PGAP4: variants seen among roughly 807,000 people sequenced by gnomAD.
The protein encoded by PGAP4 is GPI-N-acetylgalactosamine transferase PGAP4.
PGAP4 carries 12 observed loss-of-function variants against 28.2 expected under a neutral mutation model. The ratio of observed to expected loss-of-function variants is 0.42; its 90% confidence interval spans 0.27 to 0.69. The LOEUF is 0.69. PGAP4 is among the 30% of genes least tolerant of loss of function. The pLI is 0.22. For missense variants in PGAP4, 425 were observed against 513.5 expected (o/e 0.83, Z 1.67); for synonymous variants, 205 against 211.8 (o/e 0.97, Z 0.28).
chr9:101,487,862 T>A (rs1474183356), upstream of PGAP4, among the ~76,000 whole-genome samples: 1 of 152,196 alleles, frequency 6.6e-6, no homozygotes, highest in Non-Finnish European at 1.5e-5. Flanking sequence ...TGCAACATAG[T>A]CATCATTTAC....
chr9:101,517,724 G>C (rs1287895066), intron 2 of PGAP4, among the ~76,000 whole-genome samples: 1 of 152,068 alleles, frequency 6.6e-6, no homozygotes, highest in Non-Finnish European at 1.5e-5. Flanking sequence ...TGGAGGTGTG[G>C]TATACAGCTC....
chr9:101,527,611 A>C (rs1435224168), intron 2 of PGAP4, among the ~76,000 whole-genome samples: 2 of 152,236 alleles, frequency 1.3e-5, no homozygotes, highest in African/African-American at 4.8e-5. Context: ...CCTCTTTCAA[A>C]GGAAAACAAT....
chr9:101,490,484 T>C (rs949031431), upstream of PGAP4, among the ~76,000 whole-genome samples: 2 of 152,168 alleles, frequency 1.3e-5, no homozygotes, highest in Admixed American at 6.5e-5. Flanking sequence ...GCCACTGCGC[T>C]CAGCCCAAAC....
chr9:101,518,734 G>C lies in PGAP4; in HGVS notation c.-165+12614C>G, dbSNP rs374253689. 3.3e-5 allele frequency among the ~76,000 whole-genome samples: 5 copies of C among 152,260 alleles called. No homozygotes were observed. In the East Asian group the frequency reaches 9.6e-4, roughly 29 times the overall value. On this transcript the variant is annotated intron_variant, in intron 2 of 3. Coordinates refer to the PGAP4 transcript ENST00000374851. ...TCATTGATTGATGGGCATTTGGGTT[G>C]GTTCCACAATTTTTCAATTGTGAAT...
At chr9:101,488,472 A>G (rs1170055410), upstream of PGAP4, among the ~76,000 whole-genome samples, 5 of 152,186 alleles carry the variant, frequency 3.3e-5, no homozygotes, top group African/African-American at 9.7e-5. Flanking sequence ...CTGTGCCTCA[A>G]TGTTCTCATC....
chr9:101,512,698 CAAT>C (rs1443709990), intron 2 of PGAP4, among the ~76,000 whole-genome samples: 1 of 152,276 alleles, frequency 6.6e-6, no homozygotes, highest in South Asian at 2.1e-4. Flanking sequence ...ACAACAACAA[CAAT>C]AATACACATT....
intron 1 of PGAP4, among the ~76,000 whole-genome samples, chr9:101,484,634 C>T (rs940041319): frequency 7.9e-5 from 12 of 152,246 alleles, no homozygotes; most frequent in African/African-American, 2.6e-4. Flanking sequence ...GATCACTTCT[C>T]TTCTCTGCTT....
intron 1 of PGAP4, among the ~76,000 whole-genome samples, chr9:101,484,946 C>G (rs1297594471): frequency 2.0e-5 from 3 of 152,154 alleles, no homozygotes; most frequent in Non-Finnish European, 4.4e-5. Context: ...GTTTTGATAT[C>G]TACACTTCTG....
rs1169201884 is a variant in PGAP4, at chr9:101,486,610, T to A, written c.-78+339A>T. Among the ~76,000 whole-genome samples, 2 of 152,060 alleles carry A rather than the reference T, an allele frequency of 1.3e-5. No homozygotes were observed. Among genetic ancestry groups the A allele is most frequent in the African/African-American group, 4.8e-5 (2 of 41,430 alleles). On this transcript the variant is annotated intron_variant, in intron 1 of 1. Transcript: ENST00000374848. This position sits in a 1 kb window ranked among gnomAD's most constrained non-coding sequence, Gnocchi z 4.7. ...CCGCTCGCGTCCTTCTATTGACCTGTCAGCGCAGCTGGCGCAGGCAAGGGC... is the reference window on the plus strand; with the variant it reads ...CCGCTCGCGTCCTTCTATTGACCTGACAGCGCAGCTGGCGCAGGCAAGGGC...
At chr9:101,517,347 G>T (rs1355128861) in intron 2 of PGAP4, among the ~76,000 whole-genome samples, 1 of 152,048 alleles carries the variant, frequency 6.6e-6, no homozygotes, top group Middle Eastern at 3.2e-3. Flanking sequence ...AAAAATATTT[G>T]AGACCAAAGA....
At position 101,474,423 on chromosome 9, in the gene PGAP4, T is replaced by C. The variant is rs893794800; in HGVS notation, c.*1458A>G. The C allele has an allele frequency of 6.6e-6, 1 of 152,256 alleles. No individual in the cohort carries two copies. Among genetic ancestry groups the C allele is most frequent in the Non-Finnish European group, 1.5e-5 (1 of 68,046 alleles). 9.4% of individuals were successfully genotyped at this position (152,256 alleles called of 1,614,324 possible). A position where few individuals can be genotyped will look rare whatever the true frequency, so the allele number is the denominator to read the frequency against. ...TTGGTCACTAGTCTGACAGTACTGT[T>C]AAAAGACATTTATTTGTAACTTTTG... On this transcript the variant is annotated 3_prime_UTR_variant, in exon 2 of 2. Transcript: ENST00000374848.
intron 2 of PGAP4, among the ~76,000 whole-genome samples, chr9:101,526,442 T>A (rs992712547): frequency 2.1e-4 from 32 of 152,228 alleles, no homozygotes; most frequent in Non-Finnish European, 2.9e-5. Context: ...TTTATTTTTT[T>A]AAATTTATTT....
intron 1 of PGAP4, among the ~76,000 whole-genome samples, chr9:101,484,690 T>C (rs1014020877): frequency 1.3e-5 from 2 of 152,176 alleles, no homozygotes; most frequent in Admixed American, 1.3e-4. Flanking sequence ...AACTTGACCA[T>C]GCTGGCACCC....
intron 2 of PGAP4, among the ~76,000 whole-genome samples, chr9:101,511,239 C>T (rs1223980936): frequency 6.6e-6 from 1 of 152,098 alleles, no homozygotes; most frequent in Non-Finnish European, 1.5e-5. Context: ...ACAGATAAAG[C>T]TTCACTTGCT....
intron 2 of PGAP4, among the ~76,000 whole-genome samples, chr9:101,493,926 A>G (rs1047786018): frequency 2.0e-5 from 3 of 152,108 alleles, no homozygotes; most frequent in Non-Finnish European, 2.9e-5. Context: ...GTATATAACA[A>G]GATCTTGAAA....
intron 2 of PGAP4, among the ~76,000 whole-genome samples, chr9:101,522,979 T>C (rs1368291285): frequency 2.0e-5 from 3 of 152,162 alleles, no homozygotes; most frequent in Admixed American, 2.0e-4. Context: ...TTCCTTCCTA[T>C]ATGATGCTTA....
intron 2 of PGAP4, among the ~76,000 whole-genome samples, chr9:101,496,110 A>G (rs1826745637): frequency 6.6e-6 from 1 of 151,572 alleles, no homozygotes; most frequent in East Asian, 1.9e-4. Context: ...AGGCATGTCA[A>G]GAAAAGCCAA....
chr9:101,494,351 A>G lies in PGAP4; in HGVS notation c.-164-5151T>C, dbSNP rs1826717561. On this transcript the variant is annotated intron_variant, in intron 2 of 3. Coordinates refer to the PGAP4 transcript ENST00000374851. ...TTTGGAGAATCAACTAGGGAGAAAA[A>G]GTAAATGTTTTCATCTTTGTTTACA... Among the ~76,000 whole-genome samples the G allele has an allele frequency of 3.9e-5, 6 of 152,056 alleles. No homozygotes were observed. In the South Asian group the frequency reaches 1.2e-3, roughly 31 times the overall value.
In PGAP4 at chr9:101,476,823, C is replaced by T; in HGVS notation, c.270G>A (p.Val90=). Residue 90 remains valine, a synonymous_variant, in exon 2 of 2, where the codon GTG becomes GTA. Coordinates refer to ENST00000374848, the MANE Select transcript of PGAP4 (RefSeq NM_032342.3). The surrounding 1 kb of genome is among the most constrained non-coding windows in gnomAD (Gnocchi z 7.0). ...GGGGGGTGGCCTGCCAGACAATGGG[C>T]ACTGAGCCATTGGCAGAGGGAAGCT... The part of the protein sequence containing the change: ...FEELPSANGS[V]PIVWQATPRP... 1 of 1,609,818 alleles carries T rather than the reference C, an allele frequency of 6.2e-7. No homozygotes were observed. The highest frequency in any genetic ancestry group is 8.5e-7 in the Non-Finnish European group (1 of 1,177,774).
Sources: gnomAD v4.1 joint callset for allele counts (sites outside exome capture counted in the v4.1 genomes callset) on GRCh38, gnomAD v4.1.1 for gene constraint, Gnocchi (gnomAD v3.1) non-coding constraint, MANE v1.5 for transcripts, NCBI Gene and HGNC (gene_info 2026-07-23, HGNC 2026-07-21) for gene names.